The following FGD3 variants were observed in gnomAD, a reference collection of about 807,000 sequenced individuals.
FGD3 encodes the protein FYVE, RhoGEF and PH domain-containing protein 3.
Under a neutral mutation model 71.8 loss-of-function variants are expected in FGD3, and 45 were observed. The observed-to-expected ratio is 0.63, with a 90% CI of 0.49 to 0.80. FGD3 has a LOEUF of 0.80. Ranked by LOEUF, FGD3 falls within the 30% of genes least tolerant of loss-of-function variation. FGD3 has a pLI of 0.00. For synonymous variants in FGD3, 378 were observed against 392.8 expected, an observed-to-expected ratio of 0.96 and a Z score of 0.44; for missense variants, 844 against 951.5, an observed-to-expected ratio of 0.89 and a Z score of 1.49.
chr9:93,010,506 G>A, intron 7 of FGD3, 122 bp downstream of exon 7: 1 of 1,077,700 alleles, frequency 9.3e-7, no homozygotes, highest in Non-Finnish European at 1.2e-6. Flanking sequence ...GAAACAGAGA[G>A]ACCAGAGGGA....
chr9:92,965,164 C>T (rs1402541811), intron 1 of FGD3, among the ~76,000 whole-genome samples: 1 of 152,184 alleles, frequency 6.6e-6, no homozygotes, highest in Non-Finnish European at 1.5e-5. Flanking sequence ...GCCCGAGGGG[C>T]AGAGGCATGT....
chr9:92,963,327 T>C (rs1317120027), intron 1 of FGD3, among the ~76,000 whole-genome samples: 1 of 152,144 alleles, frequency 6.6e-6, no homozygotes, highest in African/African-American at 2.4e-5. Flanking sequence ...ATTGAGACAG[T>C]CTCTTTCTGT....
At chr9:93,027,575 C>T (rs1587870507) in intron 14 of FGD3, among the ~76,000 whole-genome samples, 1 of 152,106 alleles carries the variant, frequency 6.6e-6, no homozygotes, top group African/African-American at 2.4e-5. Flanking sequence ...TTCAGAGTTA[C>T]TGGGAATTAT....
intron 3 of FGD3, among the ~76,000 whole-genome samples, chr9:92,981,375 AAAAAAAAAAG>A: frequency 6.6e-6 from 1 of 151,356 alleles, no homozygotes; most frequent in African/African-American, 2.4e-5. Context: ...CTCCAAAAAA[AAAAAAAAAAG>A]AAAAAAAAGA....
At chr9:93,010,151 GGGCAGCTTCCT>G in intron 6 of FGD3, 84 bp from the exon 7 acceptor site, 1 of 1,465,078 alleles carries the variant, frequency 6.8e-7, no homozygotes, top group Non-Finnish European at 9.2e-7. Flanking sequence ...AGCCAGTTCC[GGGCAGCTTCCT>G]GGGGCTGTGG....
intron 1 of FGD3, among the ~76,000 whole-genome samples, chr9:92,967,075 C>T (rs754338106): frequency 4.0e-5 from 6 of 151,710 alleles, no homozygotes; most frequent in Non-Finnish European, 5.9e-5. Flanking sequence ...GATTCTCCTG[C>T]TTCAGCCTCC....
intron 11 of FGD3, among the ~76,000 whole-genome samples, chr9:93,019,064 G>T (rs567982711): frequency 2.6e-5 from 4 of 152,120 alleles, no homozygotes; most frequent in Non-Finnish European, 5.9e-5. Flanking sequence ...GCCCAGGCTG[G>T]TCTCGAACTC....
intron 14 of FGD3, among the ~76,000 whole-genome samples, chr9:93,027,441 C>T (rs954686049): frequency 6.6e-6 from 1 of 152,256 alleles, no homozygotes; most frequent in East Asian, 1.9e-4. Flanking sequence ...ATGGTCTTCC[C>T]TCTGTGTCTC....
At chr9:92,965,488 C>G (rs1246724219) in intron 1 of FGD3, among the ~76,000 whole-genome samples, 1 of 152,170 alleles carries the variant, frequency 6.6e-6, no homozygotes, top group African/African-American at 2.4e-5. Context: ...GTGGTTTGTC[C>G]CCAGCTGGGC....
In FGD3 at chr9:93,003,135, T is replaced by C; in HGVS notation, c.543+121T>C. ...AAATTTAAGTCTGGTCTACAAACTT[T>C]TTTTTTTTTTTGAGACAAAGTCTCA... On this transcript the variant is annotated intron_variant, in intron 4 of 17. Coordinates refer to ENST00000375482, the MANE Select transcript of FGD3 (RefSeq NM_001083536.2). The surrounding 1 kb of genome is among the most constrained non-coding windows in gnomAD (Gnocchi z 4.1). 1 of 883,846 alleles carries C rather than the reference T, an allele frequency of 1.1e-6. No individual in the cohort carries two copies. Among genetic ancestry groups the C allele is most frequent in the African/African-American group, 1.7e-5 (1 of 58,220 alleles). The allele number at this position is 883,846 out of a possible 1,614,324, so 54.8% of individuals were successfully genotyped here. A position where few individuals can be genotyped will look rare whatever the true frequency, so the allele number is the denominator to read the frequency against.
intron 1 of FGD3, among the ~76,000 whole-genome samples, chr9:92,949,423 G>A (rs955635972): frequency 4.6e-5 from 7 of 152,132 alleles, no homozygotes; most frequent in Middle Eastern, 3.2e-3. Context: ...CGGGGCGTCC[G>A]TCCACTCTGG....
chr9:93,022,390 G>T lies in FGD3; in HGVS notation c.1557+1G>T, dbSNP rs763782728. ...CGAAGGCAGTTCGGGTGCAGCAGGG[G>T]TAAGTGCCCCATGCTCAGCGGTCAG... On this transcript the variant is annotated splice_donor_variant, in intron 14 of 17. Coordinates refer to ENST00000375482, the MANE Select transcript of FGD3 (RefSeq NM_001083536.2). LOFTEE classifies it high-confidence loss of function. The T allele has an allele frequency of 6.2e-7, 1 of 1,612,330 alleles. No individual in the cohort carries two copies. The highest frequency in any genetic ancestry group is 1.7e-5 in the Admixed American group (1 of 60,004).
chr9:93,016,632 A>T (rs10992578), intron 10 of FGD3, among the ~76,000 whole-genome samples: 10,321 of 149,244 alleles, frequency 0.069, 545 homozygotes, highest in African/African-American at 0.15. Flanking sequence ...CACCGCACCC[A>T]GCCTAGTCAG....
intron 6 of FGD3, among the ~76,000 whole-genome samples, chr9:93,006,604 CTT>C (rs1861064771): frequency 6.6e-6 from 1 of 152,202 alleles, no homozygotes; most frequent in South Asian, 2.1e-4. Flanking sequence ...CCTGGCTTCT[CTT>C]GTCTCCTATA....
At chr9:92,968,259 T>TTACTTAACA (rs1320303048) in intron 1 of FGD3, among the ~76,000 whole-genome samples, 20 of 152,208 alleles carry the variant, frequency 1.3e-4, no homozygotes, top group Non-Finnish European at 2.8e-4. Flanking sequence ...TCTTAAACAG[T>TTACTTAACA]AGAAGTAACT....
chr9:92,963,815 A>T (rs984829474), intron 1 of FGD3: 3 of 152,188 alleles, frequency 2.0e-5, no homozygotes, highest in Admixed American at 2.0e-4. Context: ...CCCAGGAAGC[A>T]TCTTGAAATA....
chr9:92,995,935 T>G (rs923247435), intron 3 of FGD3, among the ~76,000 whole-genome samples: 1 of 151,888 alleles, frequency 6.6e-6, no homozygotes, highest in Non-Finnish European at 1.5e-5. Flanking sequence ...TCTAAAATTC[T>G]CTTTTTTTTT....
At chr9:93,017,942 G>A (rs537272631) in intron 10 of FGD3, among the ~76,000 whole-genome samples, 194 bp from the exon 11 acceptor site, 5 of 152,262 alleles carry the variant, frequency 3.3e-5, no homozygotes, top group African/African-American at 9.6e-5. Flanking sequence ...TGGGAGGCCC[G>A]CTGTCCCTGA....
At position 93,035,889 on chromosome 9, in the gene FGD3, C is replaced by G. The variant is rs111933364; in HGVS notation, c.*300C>G. On this transcript the variant is annotated 3_prime_UTR_variant, in exon 18 of 18. Coordinates refer to ENST00000375482, the MANE Select transcript of FGD3 (RefSeq NM_001083536.2). ...TATGGGCCGTGTGGTGATGCTGGCCCGGAAGGCAGAAAGAGGCAGCATGGG... is the reference window on the plus strand; with the variant it reads ...TATGGGCCGTGTGGTGATGCTGGCCGGGAAGGCAGAAAGAGGCAGCATGGG... 6.4e-5 allele frequency: 23 copies of G among 359,034 alleles called. No individual in the cohort carries two copies. The highest frequency in any genetic ancestry group is 1.1e-4 in the Non-Finnish European group (22 of 199,282). 22.2% of individuals were successfully genotyped at this position (359,034 alleles called of 1,614,324 possible). A position where few individuals can be genotyped will look rare whatever the true frequency, so the allele number is the denominator to read the frequency against.
Sources: allele counts gnomAD v4.1 joint callset (sites outside exome capture counted in the v4.1 genomes callset), GRCh38; gene constraint gnomAD v4.1.1; non-coding constraint Gnocchi (gnomAD v3.1); transcripts MANE v1.5; gene names NCBI Gene and HGNC (gene_info 2026-07-23, HGNC 2026-07-21).